The following UCHL3 variants were observed in gnomAD, a reference collection of about 807,000 sequenced individuals.
UCHL3 encodes the protein ubiquitin C-terminal hydrolase L3, also known as ubiquitin carboxyl-terminal hydrolase isozyme L3.
UCHL3 carries 22 observed loss-of-function variants against 35.8 expected under a neutral mutation model. That is an observed-to-expected ratio of 0.61 (90% confidence interval 0.44 to 0.88). The LOEUF (loss-of-function observed/expected upper bound fraction) is 0.88. UCHL3 is among the 40% of genes least tolerant of loss of function. The pLI is 0.00. For missense variants in UCHL3, 229 were observed against 276.9 expected, an observed-to-expected ratio of 0.83 and a Z score of 1.23; for synonymous variants, 90 against 92.8, an observed-to-expected ratio of 0.97 and a Z score of 0.17.
At chr13:75,557,765 G>T (rs776748755) in intron 2 of UCHL3, among the ~76,000 whole-genome samples, 8 of 152,118 alleles carry the variant, frequency 5.3e-5, no homozygotes, top group Non-Finnish European at 8.8e-5. Context: ...CTATAGATTT[G>T]TAACTTACAG....
intron 6 of UCHL3, among the ~76,000 whole-genome samples, chr13:75,592,992 T>C (rs937604824): frequency 3.9e-5 from 6 of 152,168 alleles, no homozygotes; most frequent in Non-Finnish European, 7.4e-5. Context: ...CCATATTCAG[T>C]TCTCTGACTC....
intron 2 of UCHL3, among the ~76,000 whole-genome samples, chr13:75,559,369 A>G (rs1482940015): frequency 6.6e-6 from 1 of 152,070 alleles, no homozygotes; most frequent in African/African-American, 2.4e-5. Context: ...AGGGCATGTG[A>G]CTTGTTCCAA....
chr13:75,569,416 A>C (rs368115114), intron 5 of UCHL3, 44 bp from the exon 6 acceptor site: 307 of 1,503,900 alleles, frequency 2.0e-4, no homozygotes, highest in Non-Finnish European at 2.5e-4. Flanking sequence ...TAAAAAGTTG[A>C]GTATAGGCAT....
intron 7 of UCHL3, among the ~76,000 whole-genome samples, chr13:75,602,836 T>C (rs1215907261): frequency 2.0e-5 from 3 of 152,222 alleles, no homozygotes; most frequent in Non-Finnish European, 4.4e-5. Flanking sequence ...TCTATACTGC[T>C]ATTATAAAAA....
rs796152821 is a variant in UCHL3 at position 75,595,631 on chromosome 13, C to G, written c.550+641C>G. 1.4e-4 allele frequency among the ~76,000 whole-genome samples: 13 copies of G among 93,138 alleles called. 1 individual carries two copies. The South Asian group carries it at 1.7e-3, about 12-fold the overall frequency. The allele number at this position is 93,138 out of a possible 152,430, so 61.1% of individuals were successfully genotyped here. A position where few individuals can be genotyped will look rare whatever the true frequency, so the allele number is the denominator to read the frequency against. On this transcript the variant is annotated intron_variant, in intron 7 of 8. Coordinates refer to ENST00000377595, the MANE Select transcript of UCHL3 (RefSeq NM_006002.5). ...AAAAAAAAAAAAAAAAAAAAAAGAG[C>G]GTAATAGTTGTAATGATTGGGCTGA...
At chr13:75,572,429 G>A (rs561891989) in intron 6 of UCHL3, among the ~76,000 whole-genome samples, 1 of 152,044 alleles carries the variant, frequency 6.6e-6, no homozygotes, top group Admixed American at 6.5e-5. Flanking sequence ...AGTTTACTTG[G>A]CGTTATTCCC....
At chr13:75,565,308 T>C (rs1460651262) in intron 3 of UCHL3, among the ~76,000 whole-genome samples, 1 of 152,210 alleles carries the variant, frequency 6.6e-6, no homozygotes, top group Non-Finnish European at 1.5e-5. Flanking sequence ...CTTTCCAGTT[T>C]TTTATCAATC....
At chr13:75,590,699 C>T (rs1235175665) in intron 6 of UCHL3, among the ~76,000 whole-genome samples, 1 of 152,068 alleles carries the variant, frequency 6.6e-6, no homozygotes, top group African/African-American at 2.4e-5. Flanking sequence ...TTGATCTGAT[C>T]TTTCCTGCCT....
intron 7 of UCHL3, among the ~76,000 whole-genome samples, chr13:75,602,969 T>C (rs2032817924): frequency 6.6e-6 from 1 of 152,102 alleles, no homozygotes; most frequent in Non-Finnish European, 1.5e-5. Context: ...ACTGCCATTT[T>C]TTGTTTTTAT....
intron 2 of UCHL3, among the ~76,000 whole-genome samples, chr13:75,555,638 G>T (rs1284736262): frequency 6.6e-6 from 1 of 151,878 alleles, no homozygotes; most frequent in African/African-American, 2.4e-5. Context: ...ATAAGTAGAA[G>T]AATTATATTT....
At chr13:75,568,288 C>G (rs1315007232) in intron 5 of UCHL3, among the ~76,000 whole-genome samples, 2 of 151,688 alleles carry the variant, frequency 1.3e-5, no homozygotes, top group African/African-American at 2.4e-5. Flanking sequence ...GAATTTGTGC[C>G]TGATAAATTA....
At chr13:75,563,940 G>GTGTGTA (rs1011895410) in intron 3 of UCHL3, among the ~76,000 whole-genome samples, 1 of 151,924 alleles carries the variant, frequency 6.6e-6, no homozygotes, top group Non-Finnish European at 1.5e-5. Flanking sequence ...GTGTGTGTGT[G>GTGTGTA]TGTCTATATC....
chr13:75,565,925 A>G (rs2138488040), intron 3 of UCHL3, among the ~76,000 whole-genome samples: 1 of 152,240 alleles, frequency 6.6e-6, no homozygotes, highest in Admixed American at 6.5e-5. Flanking sequence ...GCAGTCAGCT[A>G]TAGAGCCCAC....
chr13:75,571,833 A>C (rs1296685061), intron 6 of UCHL3, among the ~76,000 whole-genome samples: 3 of 152,164 alleles, frequency 2.0e-5, no homozygotes, highest in African/African-American at 7.2e-5. Context: ...TAGAAACACT[A>C]CTGGAGTGAG....
At chr13:75,589,244 C>G (rs1160188022) in intron 6 of UCHL3, among the ~76,000 whole-genome samples, 1 of 152,028 alleles carries the variant, frequency 6.6e-6, no homozygotes, top group Non-Finnish European at 1.5e-5. Flanking sequence ...ATTTGCATAA[C>G]AGGAATAGTT....
chr13:75,600,575 TAGCCTGGATTACTGAATCTCTTA>T (rs1278134958), intron 7 of UCHL3, among the ~76,000 whole-genome samples: 2 of 152,240 alleles, frequency 1.3e-5, no homozygotes, highest in Non-Finnish European at 2.9e-5. Context: ...TATCTATTTA[TAGCCTGGATTACTGAATCTCTTA>T]AGCCCTCTGT....
At chr13:75,576,902 T>A (rs2032039843) in intron 6 of UCHL3, among the ~76,000 whole-genome samples, 1 of 152,206 alleles carries the variant, frequency 6.6e-6, no homozygotes, top group African/African-American at 2.4e-5. Flanking sequence ...ATGTATACAG[T>A]TGGCCCGCTG....
chr13:75,552,934 C>A (rs988210943), intron 2 of UCHL3, among the ~76,000 whole-genome samples: 4 of 152,038 alleles, frequency 2.6e-5, no homozygotes, highest in Non-Finnish European at 4.4e-5. Context: ...TTTATATGGA[C>A]CCCTCTCCAC....
At chr13:75,574,231 G>T (rs2031954173) in intron 6 of UCHL3, among the ~76,000 whole-genome samples, 1 of 151,704 alleles carries the variant, frequency 6.6e-6, no homozygotes, top group South Asian at 2.1e-4. Flanking sequence ...AAAAAAAAAT[G>T]TCACTTTTCA....
Sources: allele counts gnomAD v4.1 joint callset (sites outside exome capture counted in the v4.1 genomes callset), GRCh38; gene constraint gnomAD v4.1.1; transcripts MANE v1.5; gene names NCBI Gene and HGNC (gene_info 2026-07-23, HGNC 2026-07-21).